Variants in DCLK3 observed in about 807,000 individuals in gnomAD.
DCLK3 encodes serine/threonine-protein kinase DCLK3.
DCLK3 carries 30 observed loss-of-function variants against 46.4 expected under a neutral mutation model. The ratio of observed to expected loss-of-function variants is 0.65; its 90% CI spans 0.48 to 0.88. The LOEUF (loss-of-function observed/expected upper bound fraction) is 0.88, where lower values mean the gene tolerates loss of function less well. Among genes scored for constraint, DCLK3 ranks in the 40% least tolerant of loss-of-function variants. The probability of loss-of-function intolerance (pLI) is 0.00; values close to 1 mark genes in which losing one functional copy is unlikely to be tolerated. For missense variants in DCLK3, 846 were observed against 907.1 expected (o/e 0.93, Z 0.87); for synonymous variants, 401 against 339.2 (o/e 1.18, Z -2.00).
chr3:36,742,768 A>T (rs1701356877), intron 1 of DCLK3, among the ~76,000 whole-genome samples: 1 of 152,192 alleles, frequency 6.6e-6, no homozygotes, highest in Admixed American at 6.5e-5. Flanking sequence ...AAGAGGAAAA[A>T]AATAAGAAGA....
At chr3:36,726,608 C>T (rs1471538308) in intron 2 of DCLK3, among the ~76,000 whole-genome samples, 1 of 152,126 alleles carries the variant, frequency 6.6e-6, no homozygotes, top group Non-Finnish European at 1.5e-5. Flanking sequence ...TCTCTCCAGA[C>T]CAGAATAAAT....
At chr3:36,724,028 C>A (rs1408053305) in intron 2 of DCLK3, among the ~76,000 whole-genome samples, 1 of 152,208 alleles carries the variant, frequency 6.6e-6, no homozygotes, top group Admixed American at 6.5e-5. Context: ...CTGTACCCTG[C>A]AAAACCACAG....
intron 2 of DCLK3, among the ~76,000 whole-genome samples, chr3:36,735,969 A>T (rs985144127): frequency 6.6e-6 from 1 of 152,232 alleles, no homozygotes; most frequent in Non-Finnish European, 1.5e-5. Flanking sequence ...CAGAAAGGCA[A>T]ATATAGACTC....
At chr3:36,720,473 C>T (rs1324156752) in intron 3 of DCLK3, among the ~76,000 whole-genome samples, 1 of 151,332 alleles carries the variant, frequency 6.6e-6, no homozygotes, top group Non-Finnish European at 1.5e-5. Flanking sequence ...GTCTCTAACA[C>T]CTGACCTCAT....
chr3:36,759,245 CTTTT>C, intron 1 of DCLK3, among the ~76,000 whole-genome samples: 1 of 152,340 alleles, frequency 6.6e-6, no homozygotes, highest in Middle Eastern at 3.4e-3. Flanking sequence ...TATTCTCTGA[CTTTT>C]TCTTCCATCC....
intron 1 of DCLK3, among the ~76,000 whole-genome samples, chr3:36,757,072 A>G (rs1233622018): frequency 1.3e-5 from 2 of 152,092 alleles, no homozygotes; most frequent in African/African-American, 4.8e-5. Flanking sequence ...TTGGTGCATT[A>G]GGTTAATTAT....
chr3:36,718,217 C>A, intron 3 of DCLK3, 40 bp from the exon 4 acceptor site: 1 of 1,611,894 alleles, frequency 6.2e-7, no homozygotes, highest in Non-Finnish European at 8.5e-7. Context: ...AACCTGAGAC[C>A]AGGCAGGGTC....
At chr3:36,746,198 A>G (rs191512149) in intron 1 of DCLK3, among the ~76,000 whole-genome samples, 5 of 152,228 alleles carry the variant, frequency 3.3e-5, no homozygotes, top group East Asian at 3.9e-4. Context: ...ACCCATGACA[A>G]TTTCCCTTAG....
chr3:36,754,935 A>C (rs1032833322), intron 1 of DCLK3, among the ~76,000 whole-genome samples: 4 of 152,128 alleles, frequency 2.6e-5, no homozygotes, highest in African/African-American at 9.7e-5. Flanking sequence ...AGGCAAAAAA[A>C]ATCATTAATT....
intron 1 of DCLK3, among the ~76,000 whole-genome samples, chr3:36,754,225 C>T (rs1701467704): frequency 6.6e-6 from 1 of 151,194 alleles, no homozygotes; most frequent in South Asian, 2.1e-4. Flanking sequence ...ATACTAGGAG[C>T]TTCCTTATAA....
intron 1 of DCLK3, among the ~76,000 whole-genome samples, chr3:36,744,612 T>C (rs1169929825): frequency 2.0e-5 from 3 of 152,240 alleles, no homozygotes; most frequent in African/African-American, 7.2e-5. Context: ...GGATGTCCAG[T>C]GCATTGCTCT....
In DCLK3 at chr3:36,718,179, T is replaced by C; in HGVS notation, c.2093-2A>G. 6.2e-7 allele frequency: 1 copy of C among 1,613,784 alleles called. No individual in the cohort carries two copies. The highest frequency in any genetic ancestry group is 8.5e-7 in the Non-Finnish European group (1 of 1,179,962). On this transcript the variant is annotated splice_acceptor_variant, in intron 3 of 4. Coordinates refer to ENST00000636136, the MANE Select transcript of DCLK3 (RefSeq NM_001394672.2). LOFTEE classifies it high-confidence loss of function. ...ACATGTCCACCTCCAGTCCATAACC[T>C]GCGCAGACAGAGGCAGAGACACAAG... is the stretch of plus-strand genomic sequence containing the variant.
rs761721003 is a variant in DCLK3, at chr3:36,715,502, G to C, written c.2280C>G (p.Ser760Arg). Reference protein sequence around the residue: ...NISDAAKDLVSRLLVVDPKKR... With the variant: ...NISDAAKDLVRRLLVVDPKKR... ...TTTTGGGGTCTACCACCAGCAACCG[G>C]CTCACCAGATCTTTAGCAGCTGTTG... is the stretch of plus-strand genomic sequence containing the variant. The change falls in exon 5 of 5, where the codon AGC (serine) becomes AGG (arginine). Residue 760 changes from serine to arginine, a missense_variant. By Grantham distance (110) the Ser-to-Arg change is moderately radical. Around this residue, in one of 3 missense-constraint regions of DCLK3, gnomAD observed 247 missense variants for 322.8 expected, o/e 0.77. Transcript: ENST00000636136. The C allele has an allele frequency of 6.5e-7, 1 of 1,530,806 alleles. No homozygotes were observed. The highest frequency in any genetic ancestry group is 8.8e-7 in the Non-Finnish European group (1 of 1,140,264). The allele number at this position is 1,530,806 out of a possible 1,614,324, so 94.8% of individuals were successfully genotyped here.
At chr3:36,745,684 T>G (rs939211283) in intron 1 of DCLK3, among the ~76,000 whole-genome samples, 1 of 152,218 alleles carries the variant, frequency 6.6e-6, no homozygotes, top group Non-Finnish European at 1.5e-5. Flanking sequence ...TATTCTTCTG[T>G]GGAAGATAGA....
chr3:36,753,919 C>T (rs1478803723), intron 1 of DCLK3, among the ~76,000 whole-genome samples: 1 of 152,084 alleles, frequency 6.6e-6, no homozygotes, highest in East Asian at 1.9e-4. Context: ...GCTCAAGTGA[C>T]CTCTCGCGCC....
chr3:36,719,317 G>C (rs898278010), intron 3 of DCLK3, among the ~76,000 whole-genome samples: 1 of 152,110 alleles, frequency 6.6e-6, no homozygotes, highest in African/African-American at 2.4e-5. Context: ...GAAAACACTT[G>C]ACCACTGTAA....
intron 1 of DCLK3, among the ~76,000 whole-genome samples, chr3:36,758,322 T>G (rs1701506399): frequency 6.6e-6 from 1 of 152,322 alleles, no homozygotes; most frequent in South Asian, 2.1e-4. Context: ...CCATATATAC[T>G]CTTGCATTTA....
chr3:36,721,519 A>T lies in DCLK3; in HGVS notation c.2092+8T>A. The T allele has an allele frequency of 6.2e-7, 1 of 1,614,030 alleles. No homozygotes were observed. The highest frequency in any genetic ancestry group is 1.1e-5 in the South Asian group (1 of 91,002). On this transcript the variant is annotated splice_region_variant and intron_variant, in intron 3 of 4. Transcript: ENST00000636136. ...CTAGAGTCCCACAGATCGATGTGTAACACTTACCTTTCTCAGAAAGAATTT... is the reference window on the plus strand; with the variant it reads ...CTAGAGTCCCACAGATCGATGTGTATCACTTACCTTTCTCAGAAAGAATTT...
intron 1 of DCLK3, among the ~76,000 whole-genome samples, chr3:36,747,793 C>A (rs781770143): frequency 1.3e-5 from 2 of 152,178 alleles, no homozygotes; most frequent in African/African-American, 4.8e-5. Flanking sequence ...ATCCCCTTTA[C>A]GACCCAAAGT....
Sources: gnomAD v4.1 joint callset for allele counts (sites outside exome capture counted in the v4.1 genomes callset) on GRCh38, gnomAD v4.1.1 for gene constraint, gnomAD v4.1.1 regional missense constraint, MANE v1.5 for transcripts, NCBI Gene and HGNC (gene_info 2026-07-23, HGNC 2026-07-21) for gene names.